Variants in TMEM163 observed in about 807,000 individuals in gnomAD.
The protein encoded by TMEM163 is transmembrane protein 163.
A neutral mutation model predicts 29.3 loss-of-function variants in TMEM163; 17 were observed. That is an observed-to-expected ratio of 0.58 (90% CI 0.40 to 0.87). TMEM163 has a LOEUF of 0.87. Ranked by LOEUF, TMEM163 falls within the 40% of genes least tolerant of loss-of-function variation. TMEM163 has a pLI of 0.00. For synonymous variants in TMEM163, 157 were observed against 160.6 expected, an observed-to-expected ratio of 0.98 and a Z score of 0.17; for missense variants, 303 against 381.5, an observed-to-expected ratio of 0.79 and a Z score of 1.71.
chr2:134,485,207 T>C (rs1679281446), intron 5 of TMEM163, among the ~76,000 whole-genome samples: 1 of 152,198 alleles, frequency 6.6e-6, no homozygotes, highest in African/African-American at 2.4e-5. Flanking sequence ...CCTAAACGTA[T>C]CCAGAACACT....
intron 2 of TMEM163, among the ~76,000 whole-genome samples, chr2:134,586,868 A>G (rs570385779): frequency 2.6e-5 from 4 of 152,188 alleles, no homozygotes; most frequent in Admixed American, 6.5e-5. Context: ...AGCATCACCT[A>G]TATTTGTTAA....
chr2:134,516,799 G>A (rs72853986), intron 4 of TMEM163, among the ~76,000 whole-genome samples: 16,019 of 64,196 alleles, frequency 0.25, 1,141 homozygotes, highest in East Asian at 0.47. Context: ...ATGCATGTAT[G>A]TATGAAAGGT....
intron 2 of TMEM163, among the ~76,000 whole-genome samples, chr2:134,694,724 C>G (rs1431140498): frequency 6.6e-6 from 1 of 152,200 alleles, no homozygotes. Context: ...GATCCAAACT[C>G]TCACAAAATG....
chr2:134,669,555 T>C (rs536873527), intron 2 of TMEM163, among the ~76,000 whole-genome samples: 33 of 152,350 alleles, frequency 2.2e-4, no homozygotes, highest in Middle Eastern at 3.4e-3. Flanking sequence ...GCTATGCCAA[T>C]GTGGTTCCCA....
chr2:134,512,458 CA>C (rs1316078552), intron 4 of TMEM163, among the ~76,000 whole-genome samples: 2 of 151,938 alleles, frequency 1.3e-5, no homozygotes, highest in African/African-American at 2.4e-5. Context: ...GGCTCTGTCT[CA>C]AAAAAATACA....
At chr2:134,637,804 A>C (rs953296609) in intron 2 of TMEM163, among the ~76,000 whole-genome samples, 28 of 152,196 alleles carry the variant, frequency 1.8e-4, no homozygotes, top group African/African-American at 6.5e-4. Flanking sequence ...CATTTATTTC[A>C]ATGTTAAATA....
At chr2:134,464,792 A>G (rs1165129465) in intron 6 of TMEM163, among the ~76,000 whole-genome samples, 2 of 151,322 alleles carry the variant, frequency 1.3e-5, no homozygotes, top group Non-Finnish European at 2.9e-5. Flanking sequence ...CAGTCCCACC[A>G]CCTCTGCAGA....
At chr2:134,596,812 T>C (rs1328550311) in intron 2 of TMEM163, among the ~76,000 whole-genome samples, 6 of 152,198 alleles carry the variant, frequency 3.9e-5, no homozygotes, top group Non-Finnish European at 8.8e-5. Context: ...GTAGTTCTCC[T>C]TGAAGAGGTC....
intron 2 of TMEM163, among the ~76,000 whole-genome samples, chr2:134,572,158 C>G (rs1191576405): frequency 6.6e-6 from 1 of 152,162 alleles, no homozygotes. Context: ...AGACATGGAG[C>G]ACCTTGCACA....
chr2:134,718,717 G>C lies in TMEM163; in HGVS notation c.202+17C>G. On this transcript the variant is annotated intron_variant, in intron 1 of 7. Transcript: ENST00000281924. ...AGCCACCCCGGTCGCCGGCCGGGTC[G>C]GGCAGCTCGCGCTCACCTCGGTCCT... 6 of 1,146,062 alleles carry C rather than the reference G, an allele frequency of 5.2e-6. No individual in the cohort carries two copies. In the South Asian group the frequency reaches 1.6e-4, roughly 30 times the overall value. The allele number at this position is 1,146,062 out of a possible 1,614,324, so 71.0% of individuals were successfully genotyped here. A position where few individuals can be genotyped will look rare whatever the true frequency, so the allele number is the denominator to read the frequency against.
At chr2:134,650,458 CAG>C (rs1249210221) in intron 2 of TMEM163, among the ~76,000 whole-genome samples, 3 of 151,110 alleles carry the variant, frequency 2.0e-5, no homozygotes, top group Non-Finnish European at 4.4e-5. Flanking sequence ...TCAATGAAGA[CAG>C]AGAATCTGAC....
At chr2:134,575,412 T>C (rs1309576306) in intron 2 of TMEM163, among the ~76,000 whole-genome samples, 1 of 152,128 alleles carries the variant, frequency 6.6e-6, no homozygotes, top group African/African-American at 2.4e-5. Flanking sequence ...TCAGACACCC[T>C]GATGTCATAC....
At chr2:134,468,703 AATCTGTGCTT>A (rs1419037779) in intron 5 of TMEM163, 1 of 152,206 alleles carries the variant, frequency 6.6e-6, no homozygotes, top group East Asian at 1.9e-4. Flanking sequence ...CGGTAGAGAA[AATCTGTGCTT>A]ACCCCATCTA....
At chr2:134,672,884 C>A (rs1311937781) in intron 2 of TMEM163, among the ~76,000 whole-genome samples, 3 of 152,210 alleles carry the variant, frequency 2.0e-5, no homozygotes, top group African/African-American at 7.2e-5. Context: ...TCTGCTCCCA[C>A]TGCCTGCCCT....
chr2:134,511,152 G>GT (rs1679937142), intron 4 of TMEM163, among the ~76,000 whole-genome samples: 2 of 120,240 alleles, frequency 1.7e-5, no homozygotes, highest in South Asian at 4.0e-4. Flanking sequence ...GGAGAACAAG[G>GT]CGGGGGGGGG....
At chr2:134,471,793 A>C (rs1686807685) in intron 5 of TMEM163, among the ~76,000 whole-genome samples, 1 of 152,226 alleles carries the variant, frequency 6.6e-6, no homozygotes, top group African/African-American at 2.4e-5. Flanking sequence ...TGACAGATGC[A>C]TAAACAGTTG....
intron 2 of TMEM163, among the ~76,000 whole-genome samples, chr2:134,588,900 T>C (rs1243188310): frequency 6.6e-6 from 1 of 151,978 alleles, no homozygotes; most frequent in East Asian, 1.9e-4. Flanking sequence ...GACCAAAGTG[T>C]AGAGTTCATG....
chr2:134,631,828 A>G (rs1682976647), intron 2 of TMEM163, among the ~76,000 whole-genome samples: 1 of 152,270 alleles, frequency 6.6e-6, no homozygotes, highest in Non-Finnish European at 1.5e-5. Flanking sequence ...GGCCAACCAT[A>G]TGACTTTTCT....
chr2:134,597,858 G>A (rs951203521), intron 2 of TMEM163, among the ~76,000 whole-genome samples: 6 of 152,088 alleles, frequency 3.9e-5, no homozygotes, highest in South Asian at 2.1e-4. Flanking sequence ...TGTATGTGTC[G>A]AGGAGTTTAT....
Sources: allele counts gnomAD v4.1 joint callset (sites outside exome capture counted in the v4.1 genomes callset), GRCh38; gene constraint gnomAD v4.1.1; transcripts MANE v1.5; gene names NCBI Gene and HGNC (gene_info 2026-07-23, HGNC 2026-07-21).